Variants in CCDC85C observed in about 807,000 individuals in gnomAD.
CCDC85C encodes coiled-coil domain-containing protein 85C.
A neutral mutation model predicts 38.3 loss-of-function variants in CCDC85C; 18 were observed. That is an observed-to-expected ratio of 0.47 (90% CI 0.33 to 0.70). The LOEUF is 0.70. Ranked by LOEUF, CCDC85C falls within the 30% of genes least tolerant of loss-of-function variation. The pLI, the probability that CCDC85C is intolerant of heterozygous loss-of-function variation, is 0.03. For missense variants in CCDC85C, 566 were observed against 621.2 expected (o/e 0.91, Z 0.94); for synonymous variants, 264 against 293.8 (o/e 0.90, Z 1.04).
chr14:99,523,894 C>T (rs1272591755), intron 2 of CCDC85C, among the ~76,000 whole-genome samples: 1 of 152,094 alleles, frequency 6.6e-6, no homozygotes, highest in African/African-American at 2.4e-5. Flanking sequence ...GCACTCACGG[C>T]CCGCAGGTGG....
chr14:99,567,596 G>A (rs1232355430), intron 1 of CCDC85C, among the ~76,000 whole-genome samples: 3 of 152,170 alleles, frequency 2.0e-5, no homozygotes, highest in Non-Finnish European at 4.4e-5. Context: ...AGGCCGAAGT[G>A]GGCAGATCAC....
intron 1 of CCDC85C, among the ~76,000 whole-genome samples, chr14:99,598,216 C>G (rs1338698033): frequency 6.6e-6 from 1 of 152,218 alleles, no homozygotes; most frequent in African/African-American, 2.4e-5. Flanking sequence ...AACATTTTCC[C>G]ACTTGGCAAA....
In CCDC85C at chr14:99,509,892, C is replaced by G. The variant is rs1052183956; in HGVS notation, c.*5354G>C. 5.6e-6 allele frequency: 3 copies of G among 537,704 alleles called. No individual in the cohort carries two copies. In the African/African-American group the frequency reaches 5.8e-5, roughly 10 times the overall value. 33.3% of individuals were successfully genotyped at this position (537,704 alleles called of 1,614,324 possible). On this transcript the variant is annotated 3_prime_UTR_variant, in exon 6 of 6. Coordinates refer to ENST00000380243, the MANE Select transcript of CCDC85C (RefSeq NM_001144995.2). ...GGCACAAGGGGGCTTCGGGTGCTGC[C>G]GAGACTGCCTGTAGGTGGTGTGGTC...
rs1012868239 is a variant in CCDC85C at position 99,520,815 on chromosome 14, C to A, written c.975+1318G>T. On this transcript the variant is annotated intron_variant, in intron 3 of 5. Coordinates refer to ENST00000380243, the MANE Select transcript of CCDC85C (RefSeq NM_001144995.2). The surrounding 1 kb of genome is among the most constrained non-coding windows in gnomAD (Gnocchi z 4.1). ...CTCTCCAAAGTAGGGGACACCCCTT[C>A]ATGCACAGAGCAGTCTAGAGGAAAA... Among the ~76,000 whole-genome samples, 8 of 152,246 alleles carry A rather than the reference C, an allele frequency of 5.3e-5. No homozygotes were observed. The highest frequency in any genetic ancestry group is 3.3e-4 in the Admixed American group (5 of 15,290).
chr14:99,603,960 G>A lies in CCDC85C; in HGVS notation c.-1C>T, dbSNP rs1163193671. 1 of 1,337,408 alleles carries A rather than the reference G, an allele frequency of 7.5e-7. No homozygotes were observed. The highest frequency in any genetic ancestry group is 3.1e-5 in the East Asian group (1 of 32,064). The allele number at this position is 1,337,408 out of a possible 1,614,324, so 82.8% of individuals were successfully genotyped here. On this transcript the variant is annotated 5_prime_UTR_variant, in exon 1 of 6. Coordinates refer to ENST00000380243, the MANE Select transcript of CCDC85C (RefSeq NM_001144995.2). The surrounding 1 kb of genome is among the most constrained non-coding windows in gnomAD (Gnocchi z 7.5). The stretch of plus-strand genomic sequence containing the variant: ...CCGCCGTCGCCGCGGGCTTAGCCAT[G>A]GCGGGGCCGTCACCGCGGCATCGCC...
In CCDC85C at chr14:99,588,154, T is replaced by C. The variant is rs997555254; in HGVS notation, c.793+15013A>G. ...AATCAGCAGACCAACAAGGGGCAGG[T>C]CTGGGGAGACAAGCATCTCAGCCGA... On this transcript the variant is annotated intron_variant, in intron 1 of 5. Coordinates refer to ENST00000380243, the MANE Select transcript of CCDC85C (RefSeq NM_001144995.2). The surrounding 1 kb of genome is among the most constrained non-coding windows in gnomAD (Gnocchi z 5.0). 6.6e-6 allele frequency among the ~76,000 whole-genome samples: 1 copy of C among 152,050 alleles called. No homozygotes were observed.
chr14:99,603,202 G>A lies in CCDC85C; in HGVS notation c.758C>T (p.Pro253Leu). 3 of 1,426,780 alleles carry A rather than the reference G, an allele frequency of 2.1e-6. No individual in the cohort carries two copies. Among genetic ancestry groups the A allele is most frequent in the Non-Finnish European group, 2.7e-6 (3 of 1,092,478 alleles). The allele number at this position is 1,426,780 out of a possible 1,614,324, so 88.4% of individuals were successfully genotyped here. Residue 253 changes from proline (P) to leucine (L), a missense_variant, in exon 1 of 6, where the codon CCG becomes CTG. Transcript: ENST00000380243. This position sits in a 1 kb window ranked among gnomAD's most constrained non-coding sequence, Gnocchi z 7.5. ...GTTGGGGATGCTGCGGTGGTGCGGC[G>A]GCGCCGACAAGTCGTCCAGGGACCG... ...TRRSLDDLSAPPHHRSIPNGL... is the reference protein window; with the variant it reads ...TRRSLDDLSALPHHRSIPNGL...
At chr14:99,529,256 C>T (rs117514569) in intron 2 of CCDC85C, among the ~76,000 whole-genome samples, 4,253 of 152,248 alleles carry the variant, frequency 0.028, 111 homozygotes, top group Non-Finnish European at 0.039. Flanking sequence ...GTCTTGTCCA[C>T]CACGCAGACC....
Position 99,514,804 on chromosome 14 carries a change from C to G in CCDC85C, c.*442G>C, listed in dbSNP as rs1897194559. On this transcript the variant is annotated 3_prime_UTR_variant, in exon 6 of 6. Coordinates refer to ENST00000380243, the MANE Select transcript of CCDC85C (RefSeq NM_001144995.2). ...GCATTTGGGCAAGAAGTGGTGCCAC[C>G]TGCGTCAAGACCCAGGTAGTGGTGG... 1 of 157,562 alleles carries G rather than the reference C, an allele frequency of 6.3e-6. No homozygotes were observed. The highest frequency in any genetic ancestry group is 2.4e-5 in the African/African-American group (1 of 41,614). The allele number at this position is 157,562 out of a possible 1,614,324, so 9.8% of individuals were successfully genotyped here.
intron 1 of CCDC85C, among the ~76,000 whole-genome samples, chr14:99,546,559 G>A (rs1336859795): frequency 6.6e-6 from 1 of 152,272 alleles, no homozygotes; most frequent in East Asian, 1.9e-4. Flanking sequence ...GTTTCACTGA[G>A]GCAATGAAAA....
intron 1 of CCDC85C, among the ~76,000 whole-genome samples, chr14:99,578,308 A>AGTGTGT (rs144925029): frequency 4.4e-4 from 46 of 104,730 alleles, no homozygotes; most frequent in East Asian, 8.9e-4. Context: ...ATCCCCCATC[A>AGTGTGT]GTGTGTGTGT....
intron 1 of CCDC85C, among the ~76,000 whole-genome samples, chr14:99,553,555 G>C (rs1264393293): frequency 6.6e-6 from 1 of 152,286 alleles, no homozygotes. Flanking sequence ...AGTAGAGACG[G>C]GGTTTCACCA....
rs1595315177 is a variant in CCDC85C, at chr14:99,501,277, G to T, written c.*13969C>A. The T allele has an allele frequency of 2.2e-6, 2 of 912,734 alleles. No homozygotes were observed. The highest frequency in any genetic ancestry group is 4.8e-5 in the East Asian group (2 of 41,790). The allele number at this position is 912,734 out of a possible 1,614,324, so 56.5% of individuals were successfully genotyped here. On this transcript the variant is annotated 3_prime_UTR_variant, in exon 6 of 6. Transcript: ENST00000380243. ...GTATTTGAGTGGTGCTGAACACGTG[G>T]TAGGTTTTTAATAAATACTTGATGC...
chr14:99,536,478 G>A (rs1044048744), intron 1 of CCDC85C, among the ~76,000 whole-genome samples: 7 of 152,150 alleles, frequency 4.6e-5, no homozygotes, highest in Non-Finnish European at 8.8e-5. Context: ...AGGCTCAAAT[G>A]GAGCTCTCAC....
intron 1 of CCDC85C, among the ~76,000 whole-genome samples, chr14:99,585,498 A>G (rs2055016070): frequency 6.6e-6 from 1 of 152,214 alleles, no homozygotes; most frequent in Non-Finnish European, 1.5e-5. Flanking sequence ...CAAATGGGGA[A>G]CATAAGTGTC....
intron 1 of CCDC85C, among the ~76,000 whole-genome samples, chr14:99,578,966 G>A: frequency 6.6e-6 from 1 of 152,202 alleles, no homozygotes; most frequent in Non-Finnish European, 1.5e-5. Context: ...CCCTGCTGGG[G>A]CATGGAGGAG....
At chr14:99,536,124 C>T in intron 1 of CCDC85C, 36 bp from the exon 2 acceptor site, 2 of 1,430,784 alleles carry the variant, frequency 1.4e-6, no homozygotes, top group Non-Finnish European at 1.9e-6. Flanking sequence ...ACATTAGCCT[C>T]CAGCAGACTC....
At chr14:99,539,437 TC>T (rs1452953848) in intron 1 of CCDC85C, among the ~76,000 whole-genome samples, 1 of 132,464 alleles carries the variant, frequency 7.5e-6, no homozygotes, top group African/African-American at 2.9e-5. Flanking sequence ...ACAACTGCAC[TC>T]CAGCCTGGGT....
chr14:99,552,127 G>A (rs1897923380), intron 1 of CCDC85C, among the ~76,000 whole-genome samples: 1 of 152,314 alleles, frequency 6.6e-6, no homozygotes, highest in Non-Finnish European at 1.5e-5. Flanking sequence ...AGGAGTGGAG[G>A]AGGCGAAGCT....
Sources: gnomAD v4.1 joint callset for allele counts (sites outside exome capture counted in the v4.1 genomes callset) on GRCh38, gnomAD v4.1.1 for gene constraint, Gnocchi (gnomAD v3.1) non-coding constraint, MANE v1.5 for transcripts, NCBI Gene and HGNC (gene_info 2026-07-23, HGNC 2026-07-21) for gene names.